CNTLN: variants seen among roughly 807,000 people sequenced by gnomAD.
CNTLN encodes centlein.
A neutral mutation model predicts 180.0 loss-of-function variants in CNTLN; 212 were observed. The observed-to-expected ratio is 1.18, with a 90% CI of 1.05 to 1.32. CNTLN has a LOEUF of 1.32. Among genes scored for constraint, CNTLN ranks in the 40% most tolerant of loss-of-function variants. The pLI is 0.00. For synonymous variants in CNTLN, 722 were observed against 563.1 expected (o/e 1.28, Z -3.99); for missense variants, 2,095 against 1,610.9 (o/e 1.30, Z -5.14).
the CNTLN span, among the ~76,000 whole-genome samples, chr9:17,512,666 A>G: frequency 6.6e-6 from 1 of 152,204 alleles, no homozygotes; most frequent in East Asian, 1.9e-4. Flanking sequence ...AGAGAGTTCA[A>G]AAAAGAATAC....
chr9:17,518,121 C>G, the CNTLN span, among the ~76,000 whole-genome samples: 1 of 131,350 alleles, frequency 7.6e-6, no homozygotes, highest in African/African-American at 2.9e-5. Flanking sequence ...GATCTCGGCT[C>G]ACCGCAACCT....
chr9:17,332,489 T>C (rs1338482954), intron 9 of CNTLN, 116 bp from the exon 10 acceptor site: 5 of 334,174 alleles, frequency 1.5e-5, no homozygotes, highest in Non-Finnish European at 2.1e-5. Context: ...ATGCAGGATT[T>C]TTTTTTTTTT....
In CNTLN at chr9:17,251,595, C is replaced by CT. The variant is rs564716330; in HGVS notation, c.849+15014dup. Among the ~76,000 whole-genome samples the CT allele has an allele frequency of 1.5e-4, 23 of 151,734 alleles. No homozygotes were observed. The East Asian group carries it at 3.7e-3, about 24-fold the overall frequency. Reference sequence around the variant, plus strand: ...TTACTTTTGTGTGTGTATTTTGTTCCTTTTTTTCCCTTTCATTGATATGTA... The same window carrying CT: ...TTACTTTTGTGTGTGTATTTTGTTCCTTTTTTTTCCCTTTCATTGATATGTA... On this transcript the variant is annotated intron_variant, in intron 5 of 25. Coordinates refer to ENST00000380647, the MANE Select transcript of CNTLN (RefSeq NM_017738.4).
At chr9:17,187,470 T>C (rs1178614054) in intron 2 of CNTLN, among the ~76,000 whole-genome samples, 2 of 152,038 alleles carry the variant, frequency 1.3e-5, no homozygotes, top group Non-Finnish European at 2.9e-5. Flanking sequence ...TATAGAAAAT[T>C]TGAGAAAATA....
chr9:17,342,507 T>C, intron 12 of CNTLN, 63 bp downstream of exon 12: 1 of 1,411,786 alleles, frequency 7.1e-7, no homozygotes, highest in South Asian at 1.4e-5. Flanking sequence ...TTTTCATGGC[T>C]TAAAAGCTAT....
chr9:17,463,723 A>G (rs558528324), intron 20 of CNTLN, among the ~76,000 whole-genome samples: 44 of 151,760 alleles, frequency 2.9e-4, no homozygotes, highest in African/African-American at 1.0e-3. Flanking sequence ...TTATCAATTA[A>G]GAGTAAGTCT....
chr9:17,294,691 G>A (rs1176322995), intron 6 of CNTLN, among the ~76,000 whole-genome samples: 1 of 145,970 alleles, frequency 6.9e-6, no homozygotes, highest in Non-Finnish European at 1.5e-5. Context: ...GCACTCCTCA[G>A]CCCTTGGATG....
chr9:17,166,145 A>C (rs538114127), intron 2 of CNTLN, among the ~76,000 whole-genome samples: 1 of 152,192 alleles, frequency 6.6e-6, no homozygotes, highest in African/African-American at 2.4e-5. Flanking sequence ...AAAAACTCCT[A>C]TGATTAATAT....
At position 17,360,735 on chromosome 9, in the gene CNTLN, TGG is replaced by T. The variant is rs1390045101; in HGVS notation, c.1887-5881_1887-5880del. On this transcript the variant is annotated intron_variant, in intron 12 of 25. Coordinates refer to ENST00000380647, the MANE Select transcript of CNTLN (RefSeq NM_017738.4). ...TTTTGGGATTTTGCAGACGTCCTTCTGGTATTTATTTTTAATTTTATTATTCT... is the reference window on the plus strand; with the variant it reads ...TTTTGGGATTTTGCAGACGTCCTTCTTATTTATTTTTAATTTTATTATTCT... Among the ~76,000 whole-genome samples the T allele has an allele frequency of 8.5e-5, 13 of 152,342 alleles. No homozygotes were observed. In the East Asian group the frequency reaches 1.9e-3, roughly 23 times the overall value.
intron 19 of CNTLN, among the ~76,000 whole-genome samples, chr9:17,462,007 A>G (rs1198205982): frequency 6.6e-6 from 1 of 151,872 alleles, no homozygotes; most frequent in African/African-American, 2.4e-5. Flanking sequence ...AATTATTTAC[A>G]AATAATGTAA....
At chr9:17,241,133 C>T (rs1018082854) in intron 5 of CNTLN, among the ~76,000 whole-genome samples, 15 of 152,312 alleles carry the variant, frequency 9.8e-5, no homozygotes, top group Middle Eastern at 3.4e-3. Context: ...GCTGGGATTA[C>T]AGGCGTGAGC....
chr9:17,508,478 A>G (rs1833972623), downstream of CNTLN, among the ~76,000 whole-genome samples: 1 of 152,166 alleles, frequency 6.6e-6, no homozygotes. Flanking sequence ...ATTTTGTCAC[A>G]TGTATAGATT....
intron 15 of CNTLN, among the ~76,000 whole-genome samples, chr9:17,401,290 C>G (rs939686495): frequency 2.0e-5 from 3 of 152,034 alleles, no homozygotes; most frequent in Admixed American, 2.0e-4. Context: ...AATAAGTGAA[C>G]AAATACATTT....
chr9:17,504,254 A>G (rs149135543), downstream of CNTLN, among the ~76,000 whole-genome samples: 2,131 of 152,280 alleles, frequency 0.014, 56 homozygotes, highest in African/African-American at 0.048. Context: ...ATGACACTGT[A>G]TACCCAAAGA....
intron 13 of CNTLN, among the ~76,000 whole-genome samples, chr9:17,373,754 C>T (rs1319302861): frequency 6.6e-6 from 1 of 152,018 alleles, no homozygotes; most frequent in African/African-American, 2.4e-5. Flanking sequence ...GTAACTAAAA[C>T]AGCATGAAAA....
At chr9:17,393,772 A>T (rs1826287119) in intron 14 of CNTLN, among the ~76,000 whole-genome samples, 1 of 152,172 alleles carries the variant, frequency 6.6e-6, no homozygotes, top group Non-Finnish European at 1.5e-5. Context: ...AAATGTTTGA[A>T]ATTATGAACT....
chr9:17,474,281 A>C (rs536345648), intron 23 of CNTLN, among the ~76,000 whole-genome samples: 2 of 152,182 alleles, frequency 1.3e-5, no homozygotes, highest in Admixed American at 1.3e-4. Context: ...AAAAAAAATT[A>C]TTTTGCTTCT....
intron 16 of CNTLN, among the ~76,000 whole-genome samples, chr9:17,413,047 A>G (rs1274866281): frequency 6.6e-6 from 1 of 152,172 alleles, no homozygotes; most frequent in East Asian, 1.9e-4. Context: ...ATTGATTCAG[A>G]TGTCAAGACT....
chr9:17,505,001 A>T (rs987411758), downstream of CNTLN, among the ~76,000 whole-genome samples: 5 of 152,208 alleles, frequency 3.3e-5, no homozygotes, highest in South Asian at 1.0e-3. Flanking sequence ...ATCTATGTTC[A>T]TGAGGGATAT....
Sources: gnomAD v4.1 joint callset for allele counts (sites outside exome capture counted in the v4.1 genomes callset) on GRCh38, gnomAD v4.1.1 for gene constraint, MANE v1.5 for transcripts, NCBI Gene and HGNC (gene_info 2026-07-23, HGNC 2026-07-21) for gene names.